Variants in PCDHA3 observed in about 807,000 individuals in gnomAD.
The protein encoded by PCDHA3 is protocadherin alpha 3.
A neutral mutation model predicts 62.2 loss-of-function variants in PCDHA3; 41 were observed. The observed-to-expected ratio is 0.66, with a 90% CI of 0.51 to 0.86. The LOEUF (loss-of-function observed/expected upper bound fraction) is 0.86. PCDHA3 is among the 40% of genes least tolerant of loss of function. PCDHA3 has a pLI of 0.00. For synonymous variants in PCDHA3, 640 were observed against 555.4 expected (o/e 1.15, Z -2.14); for missense variants, 1,304 against 1,241.2 (o/e 1.05, Z -0.76).
chr5:140,824,128 G>T (rs2150132409), intron 1 of PCDHA3: 3 of 1,612,826 alleles, frequency 1.9e-6, no homozygotes, highest in Non-Finnish European at 2.5e-6. Context: ...TACAGACAAC[G>T]TGAGTTTTCT....
rs2150530926 is a variant in PCDHA3 at position 140,853,336 on chromosome 5, A to G, written c.2394+49745A>G. The G allele has an allele frequency of 4.1e-5, 40 of 984,520 alleles. 4 individuals carry two copies. The highest frequency in any genetic ancestry group is 4.9e-5 in the Non-Finnish European group (40 of 817,056). 61.0% of individuals were successfully genotyped at this position (984,520 alleles called of 1,614,324 possible). A position where few individuals can be genotyped will look rare whatever the true frequency, so the allele number is the denominator to read the frequency against. On this transcript the variant is annotated intron_variant, in intron 1 of 3. Transcript: ENST00000522353. ...AGTAATAAATTTATCTTTTGAGGTC[A>G]TTAGCAAACATGAACTCACAGGGAT...
At chr5:140,835,996 G>A (rs782367355) in intron 1 of PCDHA3, 2 of 1,613,272 alleles carry the variant, frequency 1.2e-6, no homozygotes, top group South Asian at 1.1e-5. Flanking sequence ...GTGAGCGCGC[G>A]CGATGCGGGC....
chr5:140,875,864 C>G (rs781972677), intron 1 of PCDHA3: 2 of 1,614,168 alleles, frequency 1.2e-6, no homozygotes, highest in South Asian at 1.1e-5. Context: ...GACAACCCGC[C>G]GGTGTTCAGA....
intron 1 of PCDHA3, among the ~76,000 whole-genome samples, chr5:140,895,253 C>A (rs2153449431): frequency 6.6e-6 from 1 of 152,084 alleles, no homozygotes; most frequent in East Asian, 1.9e-4. Context: ...TCAAAGCTTT[C>A]TTTTTTTTCT....
chr5:140,872,471 T>TA (rs1468696649), intron 1 of PCDHA3, among the ~76,000 whole-genome samples: 3 of 152,026 alleles, frequency 2.0e-5, no homozygotes, highest in Non-Finnish European at 4.4e-5. Context: ...TATAAAAAAT[T>TA]AAAAAATTAG....
In PCDHA3 at chr5:140,829,938, G is replaced by A. The variant is rs2150178242; in HGVS notation, c.2394+26347G>A. Reference sequence around the variant, plus strand: ...TCGTATGAGCTGCAGCCCCCGGCAAGCAGCGCTCGCTTCCCGTTTCGCGTG... The same window carrying A: ...TCGTATGAGCTGCAGCCCCCGGCAAACAGCGCTCGCTTCCCGTTTCGCGTG... On this transcript the variant is annotated intron_variant, in intron 1 of 3. Coordinates refer to ENST00000522353, the MANE Select transcript of PCDHA3 (RefSeq NM_018906.3). 8.1e-6 allele frequency: 13 copies of A among 1,613,874 alleles called. No homozygotes were observed. In the South Asian group the frequency reaches 8.8e-5, roughly 11 times the overall value.
intron 1 of PCDHA3, chr5:140,856,972 C>T: frequency 6.3e-7 from 1 of 1,594,490 alleles, no homozygotes; most frequent in Non-Finnish European, 8.6e-7. Context: ...ATGCTATTGA[C>T]TTTGAGGACA....
chr5:140,828,552 T>A (rs2150156635), intron 1 of PCDHA3: 1 of 1,614,212 alleles, frequency 6.2e-7, no homozygotes, highest in East Asian at 2.2e-5. Context: ...GTGTTTCCAC[T>A]GGAGGGCGCG....
chr5:140,942,944 T>C (rs368380576), intron 1 of PCDHA3, among the ~76,000 whole-genome samples: 1 of 151,862 alleles, frequency 6.6e-6, no homozygotes, highest in African/African-American at 2.4e-5. Context: ...GTTTAAAGTG[T>C]AGACGTTCTG....
rs1417352469 is a variant in PCDHA3 at position 140,875,131 on chromosome 5, G to A, written c.2394+71540G>A. ...AATATCATGTATATTAACTAAACCC[G>A]CATTTATAAATGATCCGTGAAAAAT... On this transcript the variant is annotated intron_variant, in intron 1 of 3. Coordinates refer to ENST00000522353, the MANE Select transcript of PCDHA3 (RefSeq NM_018906.3). Among the ~76,000 whole-genome samples, 5 of 152,228 alleles carry A rather than the reference G, an allele frequency of 3.3e-5. No individual in the cohort carries two copies. The East Asian group carries it at 9.6e-4, about 29-fold the overall frequency.
chr5:140,971,295 G>C (rs2096467939), intron 1 of PCDHA3, among the ~76,000 whole-genome samples: 2 of 152,232 alleles, frequency 1.3e-5, no homozygotes, highest in South Asian at 4.1e-4. Flanking sequence ...TATGTACTTT[G>C]GTACACAAAC....
chr5:140,927,073 C>T (rs782173390), intron 1 of PCDHA3: 11 of 1,611,108 alleles, frequency 6.8e-6, no homozygotes, highest in Middle Eastern at 1.7e-4. Context: ...CCTTTCCAGC[C>T]ACCGCGAGCT....
chr5:140,954,505 A>G (rs1011072156), intron 1 of PCDHA3, among the ~76,000 whole-genome samples: 2 of 152,082 alleles, frequency 1.3e-5, no homozygotes, highest in Non-Finnish European at 2.9e-5. Flanking sequence ...TTTGATTTGC[A>G]TTTACCTAAT....
At chr5:140,982,192 G>A (rs1390222750) in intron 2 of PCDHA3, among the ~76,000 whole-genome samples, 4 of 152,230 alleles carry the variant, frequency 2.6e-5, no homozygotes, top group Non-Finnish European at 4.4e-5. Context: ...TGGGCTTCCT[G>A]TTAGATTTAG....
chr5:140,815,981 G>A (rs150888625), intron 1 of PCDHA3: 1 of 152,124 alleles, frequency 6.6e-6, no homozygotes, highest in Non-Finnish European at 1.5e-5. Flanking sequence ...ACGTGATGAG[G>A]CATTTTTCTT....
chr5:140,819,845 C>G (rs1413889296), intron 1 of PCDHA3, among the ~76,000 whole-genome samples: 1 of 151,922 alleles, frequency 6.6e-6, no homozygotes, highest in Non-Finnish European at 1.5e-5. Flanking sequence ...GACTTTTTCT[C>G]CATTGAGTAT....
chr5:140,897,739 T>A (rs2066296532), intron 1 of PCDHA3, among the ~76,000 whole-genome samples: 1 of 152,176 alleles, frequency 6.6e-6, no homozygotes, highest in Admixed American at 6.5e-5. Flanking sequence ...GTATTTCTAG[T>A]TCTAGATCCC....
At chr5:140,832,649 A>C (rs2150203199) in intron 1 of PCDHA3, among the ~76,000 whole-genome samples, 147 of 152,206 alleles carry the variant, frequency 9.7e-4, no homozygotes, top group Non-Finnish European at 2.0e-3. Flanking sequence ...GGTCTTTAAG[A>C]GTATCACACT....
intron 3 of PCDHA3, among the ~76,000 whole-genome samples, chr5:140,989,709 C>T (rs2097355670): frequency 6.6e-6 from 1 of 152,160 alleles, no homozygotes; most frequent in South Asian, 2.1e-4. Flanking sequence ...TCTTCAGAGG[C>T]AGTCAGCTTT....
Sources: gnomAD v4.1 joint callset for allele counts (sites outside exome capture counted in the v4.1 genomes callset) on GRCh38, gnomAD v4.1.1 for gene constraint, MANE v1.5 for transcripts, NCBI Gene and HGNC (gene_info 2026-07-23, HGNC 2026-07-21) for gene names.